Variants in MRC1 observed in about 807,000 individuals in gnomAD.
MRC1 encodes the protein macrophage mannose receptor 1.
MRC1 carries 62 observed loss-of-function variants against 102.9 expected under a neutral mutation model. The ratio of observed to expected loss-of-function variants is 0.60; its 90% confidence interval spans 0.49 to 0.74. The LOEUF (loss-of-function observed/expected upper bound fraction) is 0.74, where lower values mean the gene tolerates loss of function less well. MRC1 is among the 30% of genes least tolerant of loss of function. MRC1 has a pLI of 0.00. For missense variants in MRC1, 1,237 were observed against 862.8 expected (o/e 1.43, Z -5.43); for synonymous variants, 457 against 298.4 (o/e 1.53, Z -5.48).
intron 12 of MRC1, 54 bp downstream of exon 12, chr10:17,866,815 A>G (rs1833275419): frequency 2.6e-6 from 2 of 780,406 alleles, no homozygotes; most frequent in African/African-American, 1.7e-5. Context: ...TTCAGCCTAA[A>G]GAATCATCTA....
intron 1 of MRC1, among the ~76,000 whole-genome samples, chr10:17,822,246 C>T (rs1177123262): frequency 1.3e-5 from 2 of 152,180 alleles, no homozygotes; most frequent in Non-Finnish European, 2.9e-5. Flanking sequence ...ATAAAACTTA[C>T]ATTGATTTTT....
chr10:17,852,797 C>T (rs1308978976), intron 7 of MRC1, among the ~76,000 whole-genome samples, 170 bp from the exon 8 acceptor site: 2 of 152,092 alleles, frequency 1.3e-5, no homozygotes, highest in South Asian at 2.1e-4. Context: ...GCATCTAAGT[C>T]GACAGCATGT....
chr10:17,910,251 C>T lies in MRC1; in HGVS notation c.4157C>T (p.Ser1386Phe). ...AAGATGGACCCTTCTAAACCGTCTT[C>T]CAACGTGGCCGGAGTAGTCATCATT... ...TRKMDPSKPS[S>F]NVAGVVIIVI... Residue 1386 changes from serine to phenylalanine, a missense_variant, in exon 30 of 30, where the codon TCC (serine) becomes TTC (phenylalanine). Transcript: ENST00000569591. 4 of 780,872 alleles carry T rather than the reference C, an allele frequency of 5.1e-6. No homozygotes were observed. Among genetic ancestry groups the T allele is most frequent in the South Asian group, 4.0e-5 (3 of 74,612 alleles). The allele number at this position is 780,872 out of a possible 1,614,324, so 48.4% of individuals were successfully genotyped here. A position where few individuals can be genotyped will look rare whatever the true frequency, so the allele number is the denominator to read the frequency against.
At chr10:17,906,816 T>C in intron 26 of MRC1, 70 bp from the exon 27 acceptor site, 1 of 780,320 alleles carries the variant, frequency 1.3e-6, no homozygotes, top group Non-Finnish European at 2.4e-6. Flanking sequence ...TCAATAGCAG[T>C]GCTGTTTACA....
chr10:17,904,933 C>A (rs1015183824), intron 26 of MRC1, among the ~76,000 whole-genome samples: 29 of 152,156 alleles, frequency 1.9e-4, no homozygotes, highest in African/African-American at 6.8e-4. Flanking sequence ...GTTGTTTGCC[C>A]CAACTATTAT....
Position 17,870,107 on chromosome 10 carries a change from C to G in MRC1, c.1984-139C>G. On this transcript the variant is annotated intron_variant, in intron 12 of 29. Transcript: ENST00000569591. ...ATTCACTCATAAACTGATTTTAAAG[C>G]AAAAGAATTACATTGTTTTGAGTCA... 6.0e-6 allele frequency: 4 copies of G among 661,296 alleles called. No homozygotes were observed. In the South Asian group the frequency reaches 7.5e-5, roughly 12 times the overall value. The allele number at this position is 661,296 out of a possible 1,614,324, so 41.0% of individuals were successfully genotyped here.
intron 22 of MRC1, among the ~76,000 whole-genome samples, chr10:17,891,741 T>C (rs1833679727): frequency 6.6e-6 from 1 of 152,188 alleles, no homozygotes; most frequent in African/African-American, 2.4e-5. Context: ...GTGTCAGAGG[T>C]TAAAATCTCT....
intron 11 of MRC1, chr10:17,865,609 G>A (rs1833254145): frequency 6.6e-6 from 1 of 152,426 alleles, no homozygotes; most frequent in South Asian, 2.1e-4. Context: ...TGCAGGAGGA[G>A]TGGGCAAGGA....
chr10:17,817,402 A>G (rs1041980745), intron 1 of MRC1, among the ~76,000 whole-genome samples: 6 of 152,252 alleles, frequency 3.9e-5, no homozygotes, highest in Admixed American at 3.9e-4. Context: ...ATTGGGTTGA[A>G]ACTTATTGCT....
At chr10:17,852,582 A>G (rs1554840611) in intron 7 of MRC1, among the ~76,000 whole-genome samples, 2 of 152,240 alleles carry the variant, frequency 1.3e-5, no homozygotes, top group Non-Finnish European at 1.5e-5. Context: ...TACCATCAAT[A>G]ACATGAGTGC....
At chr10:17,867,197 C>G (rs1328141560) in intron 12 of MRC1, among the ~76,000 whole-genome samples, 1 of 149,168 alleles carries the variant, frequency 6.7e-6, no homozygotes, top group Non-Finnish European at 1.5e-5. Context: ...CTCCCTTCCT[C>G]CTGTCTTCCC....
chr10:17,898,018 T>C lies in MRC1; in HGVS notation c.3251-16T>C. 1 of 780,800 alleles carries C rather than the reference T, an allele frequency of 1.3e-6. No homozygotes were observed. The highest frequency in any genetic ancestry group is 2.4e-6 in the Non-Finnish European group (1 of 417,902). 48.4% of individuals were successfully genotyped at this position (780,800 alleles called of 1,614,324 possible). On this transcript the variant is annotated splice_polypyrimidine_tract_variant and intron_variant, in intron 23 of 29. Coordinates refer to ENST00000569591, the MANE Select transcript of MRC1 (RefSeq NM_002438.4). ...TGTTTATTGATAATGCTAATGAAAA[T>C]AATGTTTTTATCTAGACCCTTCCTT...
chr10:17,894,278 C>T lies in MRC1; in HGVS notation c.3216C>T (p.Asp1072=). 3 of 871,436 alleles carry T rather than the reference C, an allele frequency of 3.4e-6. No homozygotes were observed. The highest frequency in any genetic ancestry group is 2.0e-6 in the Non-Finnish European group (1 of 501,276). The allele number at this position is 871,436 out of a possible 1,614,324, so 54.0% of individuals were successfully genotyped here. A position where few individuals can be genotyped will look rare whatever the true frequency, so the allele number is the denominator to read the frequency against. The change falls in exon 23 of 30, where the codon GAC becomes GAT. Residue 1072 remains aspartate (D), a synonymous_variant. Coordinates refer to ENST00000569591, the MANE Select transcript of MRC1 (RefSeq NM_002438.4). ...EAGKWMDDTC[D]SKRGYICQTR... ...GAAAATGGATGGATGATACCTGCGA[C>T]AGTAAACGAGGCTACATATGCCAGA...
chr10:17,846,806 A>T (rs1217576470), intron 6 of MRC1, among the ~76,000 whole-genome samples: 1 of 152,184 alleles, frequency 6.6e-6, no homozygotes, highest in Admixed American at 6.5e-5. Context: ...GAGACAGCAC[A>T]TATATTTTTT....
rs1379293748 is a variant in MRC1 at position 17,809,356 on chromosome 10, C to A, written c.-110C>A. ...TCCTCTGTAGTTCTTTTCAGCTGGG[C>A]AGCTCTGGGAACTTGGATTAGGTGG... On this transcript the variant is annotated 5_prime_UTR_variant, in exon 1 of 30. Transcript: ENST00000569591. The A allele has an allele frequency of 1.2e-6, 1 of 803,026 alleles. No homozygotes were observed. The highest frequency in any genetic ancestry group is 2.3e-6 in the Non-Finnish European group (1 of 440,654). 49.7% of individuals were successfully genotyped at this position (803,026 alleles called of 1,614,324 possible). A position where few individuals can be genotyped will look rare whatever the true frequency, so the allele number is the denominator to read the frequency against.
intron 6 of MRC1, among the ~76,000 whole-genome samples, chr10:17,847,920 TTTC>T (rs1353176599): frequency 4.2e-4 from 25 of 59,064 alleles, no homozygotes; most frequent in Non-Finnish European, 5.8e-4. Flanking sequence ...TCTTTTTCTT[TTTC>T]TTCTTTTTTT....
At chr10:17,864,429 T>A (rs1833231388) in intron 11 of MRC1, among the ~76,000 whole-genome samples, 1 of 152,170 alleles carries the variant, frequency 6.6e-6, no homozygotes, top group Admixed American at 6.5e-5. Flanking sequence ...GCGGAACTCA[T>A]TATTTCCATA....
At chr10:17,861,699 G>A (rs1833186827) in intron 10 of MRC1, among the ~76,000 whole-genome samples, 197 bp downstream of exon 10, 1 of 152,126 alleles carries the variant, frequency 6.6e-6, no homozygotes, top group Admixed American at 6.5e-5. Context: ...GCTAAATTTA[G>A]TAGTATAAAG....
Position 17,909,284 on chromosome 10 carries a change from A to T in MRC1, c.4079-22A>T, listed in dbSNP as rs369502118. 0.019 allele frequency: 14,696 copies of T among 755,066 alleles called. 1,049 individuals are homozygous for T. The African/African-American group carries it at 0.22, about 11-fold the overall frequency. 46.8% of individuals were successfully genotyped at this position (755,066 alleles called of 1,614,324 possible). On this transcript the variant is annotated intron_variant, in intron 28 of 29. Coordinates refer to ENST00000569591, the MANE Select transcript of MRC1 (RefSeq NM_002438.4). ...CTGCAATTATTCTGGGTTTTTATAAATTTTTTTTTTTTTACACACAGTTAT... is the reference window on the plus strand; with the variant it reads ...CTGCAATTATTCTGGGTTTTTATAATTTTTTTTTTTTTTACACACAGTTAT...
Sources: allele counts gnomAD v4.1 joint callset (sites outside exome capture counted in the v4.1 genomes callset), GRCh38; gene constraint gnomAD v4.1.1; transcripts MANE v1.5; gene names NCBI Gene and HGNC (gene_info 2026-07-23, HGNC 2026-07-21).